Variants in MAPK14 observed in about 807,000 individuals in gnomAD.
The protein encoded by MAPK14 is CSAID-binding protein.
In MAPK14, 16 loss-of-function variants were observed where a neutral mutation model predicts 49.6. The ratio of observed to expected loss-of-function variants is 0.32; its 90% CI spans 0.22 to 0.49. The LOEUF (loss-of-function observed/expected upper bound fraction) is 0.49. Ranked by LOEUF, MAPK14 falls within the 20% of genes least tolerant of loss-of-function variation. The pLI, the probability that MAPK14 is intolerant of heterozygous loss-of-function variation, is 0.99. For synonymous variants in MAPK14, 142 were observed against 158.0 expected (o/e 0.90, Z 0.76); for missense variants, 200 against 441.2 (o/e 0.45, Z 4.90).
intron 1 of MAPK14, among the ~76,000 whole-genome samples, chr6:36,036,016 GAGTTTGAGACC>G (rs1245935957): frequency 3.9e-5 from 6 of 152,146 alleles, no homozygotes; most frequent in African/African-American, 1.4e-4. Context: ...CTGAGGTCAG[GAGTTTGAGACC>G]AGCCTGGCCA....
intron 2 of MAPK14, among the ~76,000 whole-genome samples, chr6:36,056,038 T>C (rs929602029): frequency 6.6e-6 from 1 of 152,184 alleles, no homozygotes; most frequent in African/African-American, 2.4e-5. Flanking sequence ...TTGCCCTTTT[T>C]AGGAAATTAA....
At chr6:36,085,573 G>A (rs566923994) in intron 8 of MAPK14, among the ~76,000 whole-genome samples, 47 of 152,026 alleles carry the variant, frequency 3.1e-4, no homozygotes, top group Admixed American at 2.4e-3. Flanking sequence ...AAAAGACAAG[G>A]GCATTACATA....
intron 1 of MAPK14, among the ~76,000 whole-genome samples, chr6:36,035,080 G>T (rs1762689881): frequency 6.6e-6 from 1 of 151,816 alleles, no homozygotes; most frequent in African/African-American, 2.4e-5. Flanking sequence ...TGTATTTTTA[G>T]TAGAGATGGG....
intron 3 of MAPK14, among the ~76,000 whole-genome samples, chr6:36,070,684 G>A (rs1439572536): frequency 6.6e-6 from 1 of 152,106 alleles, no homozygotes; most frequent in Non-Finnish European, 1.5e-5. Context: ...TTGCAACTAG[G>A]TTAAGTCCTG....
At chr6:36,118,271 C>A in the MAPK14 span, among the ~76,000 whole-genome samples, 1 of 152,224 alleles carries the variant, frequency 6.6e-6, no homozygotes, top group East Asian at 1.9e-4. Context: ...GTGTCTTGCA[C>A]CCTCATTCAG....
intron 8 of MAPK14, chr6:36,092,562 T>G: frequency 2.1e-6 from 1 of 481,380 alleles, no homozygotes; most frequent in Non-Finnish European, 4.0e-6. Flanking sequence ...TTTTTCAAGT[T>G]TGACCCATTT....
chr6:36,037,039 G>T (rs1198275424), intron 1 of MAPK14, among the ~76,000 whole-genome samples: 5 of 152,044 alleles, frequency 3.3e-5, no homozygotes, highest in Non-Finnish European at 7.4e-5. Context: ...ACTGTGCCCG[G>T]CTAATAAAAT....
Position 36,107,776 on chromosome 6 carries a change from T to G in MAPK14, c.1015+148T>G, listed in dbSNP as rs766571153. ...ATATGTTCTCTGGTGGAAACTGTTG[T>G]AGACAGTGATACTCTCTGGACCTTT... On this transcript the variant is annotated intron_variant, in intron 11 of 11. Transcript: ENST00000229794. The surrounding 1 kb of genome is among the most constrained non-coding windows in gnomAD (Gnocchi z 4.3). 27 of 521,736 alleles carry G rather than the reference T, an allele frequency of 5.2e-5. No homozygotes were observed. The highest frequency in any genetic ancestry group is 8.1e-5 in the Non-Finnish European group (25 of 308,072). 32.3% of individuals were successfully genotyped at this position (521,736 alleles called of 1,614,324 possible). A position where few individuals can be genotyped will look rare whatever the true frequency, so the allele number is the denominator to read the frequency against.
chr6:36,036,683 TA>T (rs781091608), intron 1 of MAPK14, among the ~76,000 whole-genome samples: 10 of 152,156 alleles, frequency 6.6e-5, no homozygotes, highest in Non-Finnish European at 1.3e-4. Context: ...AGCAAGAAGA[TA>T]ATAACTTGCT....
intron 8 of MAPK14, among the ~76,000 whole-genome samples, chr6:36,084,248 A>G (rs1764885631): frequency 6.6e-6 from 1 of 152,166 alleles, no homozygotes; most frequent in African/African-American, 2.4e-5. Flanking sequence ...GAAAGAATCA[A>G]TGAAAAAACG....
At chr6:36,039,482 TGTGA>T (rs1227489039) in intron 1 of MAPK14, among the ~76,000 whole-genome samples, 4 of 152,174 alleles carry the variant, frequency 2.6e-5, no homozygotes, top group South Asian at 2.1e-4. Context: ...TGTGTGTGTG[TGTGA>T]GTATGTGTGT....
chr6:36,083,639 G>A (rs931611535), intron 8 of MAPK14, among the ~76,000 whole-genome samples: 1 of 152,164 alleles, frequency 6.6e-6, no homozygotes, highest in African/African-American at 2.4e-5. Context: ...CCCTACACGG[G>A]GCAGGGCCTC....
the MAPK14 span, among the ~76,000 whole-genome samples, chr6:36,119,062 C>T: frequency 2.6e-5 from 4 of 152,122 alleles, no homozygotes; most frequent in Non-Finnish European, 5.9e-5. Flanking sequence ...ATCTATTATC[C>T]CACTACCTGG....
intron 9 of MAPK14, chr6:36,097,155 AG>A (rs1765473444): frequency 6.6e-6 from 1 of 152,258 alleles, no homozygotes; most frequent in African/African-American, 2.4e-5. Flanking sequence ...ATTTCTTGAA[AG>A]GATCCCAAAG....
chr6:36,053,422 C>CT (rs1562111734), intron 2 of MAPK14, among the ~76,000 whole-genome samples: 1 of 151,420 alleles, frequency 6.6e-6, no homozygotes, highest in Non-Finnish European at 1.5e-5. Context: ...ATAACTTTTT[C>CT]TTTTTTACCA....
chr6:36,094,773 C>A (rs1207577662), intron 8 of MAPK14, among the ~76,000 whole-genome samples: 1 of 152,098 alleles, frequency 6.6e-6, no homozygotes, highest in East Asian at 1.9e-4. Flanking sequence ...TAGACCAGTA[C>A]AGGGGGCAGA....
intron 8 of MAPK14, among the ~76,000 whole-genome samples, chr6:36,087,860 G>A (rs1765050387): frequency 6.6e-6 from 1 of 152,120 alleles, no homozygotes; most frequent in Non-Finnish European, 1.5e-5. Context: ...AAACCTGGAG[G>A]CATCACACTA....
At chr6:36,068,886 A>G (rs546911841) in intron 3 of MAPK14, among the ~76,000 whole-genome samples, 7 of 152,216 alleles carry the variant, frequency 4.6e-5, no homozygotes, top group East Asian at 1.9e-4. Flanking sequence ...CAGGAGTCAC[A>G]TTGAGAAATG....
chr6:36,075,220 C>A (rs138701061), intron 6 of MAPK14, among the ~76,000 whole-genome samples: 14 of 114,896 alleles, frequency 1.2e-4, no homozygotes, highest in Non-Finnish European at 2.5e-4. Flanking sequence ...AGCAAGACTC[C>A]GTCTCAAAAA....
Sources: gnomAD v4.1 joint callset for allele counts (sites outside exome capture counted in the v4.1 genomes callset) on GRCh38, gnomAD v4.1.1 for gene constraint, Gnocchi (gnomAD v3.1) non-coding constraint, MANE v1.5 for transcripts, NCBI Gene and HGNC (gene_info 2026-07-23, HGNC 2026-07-21) for gene names.